The following SYN2 variants were observed in gnomAD, a reference collection of about 807,000 sequenced individuals.
SYN2 encodes synapsin II, also known as synapsin-2.
Under a neutral mutation model 50.9 loss-of-function variants are expected in SYN2, and 19 were observed. That is an observed-to-expected ratio of 0.37 (90% CI 0.26 to 0.55). The LOEUF is 0.55. SYN2 is among the 20% of genes least tolerant of loss of function. The probability of loss-of-function intolerance (pLI) is 0.81; values close to 1 mark genes in which losing one functional copy is unlikely to be tolerated. For synonymous variants in SYN2, 255 were observed against 224.9 expected, an observed-to-expected ratio of 1.13 and a Z score of -1.20; for missense variants, 587 against 576.4, an observed-to-expected ratio of 1.02 and a Z score of -0.19.
intron 9 of SYN2, 105 bp from the exon 10 acceptor site, chr3:12,169,652 T>C (rs532589542): frequency 9.9e-4 from 1,262 of 1,280,962 alleles, no homozygotes; most frequent in Non-Finnish European, 1.2e-3. Flanking sequence ...CTGCTTCATC[T>C]CCAGTCCATC....
intron 1 of SYN2, among the ~76,000 whole-genome samples, chr3:12,136,116 T>C (rs928476581): frequency 5.3e-5 from 8 of 152,172 alleles, no homozygotes; most frequent in Non-Finnish European, 7.3e-5. Flanking sequence ...CCAAATATCA[T>C]GAGCAGACAA....
intron 1 of SYN2, among the ~76,000 whole-genome samples, chr3:12,024,577 T>G (rs1694215279): frequency 6.6e-6 from 1 of 152,234 alleles, no homozygotes; most frequent in African/African-American, 2.4e-5. Context: ...TTGTTTAACA[T>G]AATATTCATG....
At chr3:12,094,171 T>C (rs909795432) in intron 1 of SYN2, among the ~76,000 whole-genome samples, 13 of 152,154 alleles carry the variant, frequency 8.5e-5, no homozygotes, top group African/African-American at 3.1e-4. Flanking sequence ...ATTTAATATT[T>C]AGTTCTCTAC....
At chr3:12,078,707 C>A (rs1236345245) in intron 1 of SYN2, among the ~76,000 whole-genome samples, 1 of 152,096 alleles carries the variant, frequency 6.6e-6, no homozygotes, top group Non-Finnish European at 1.5e-5. Context: ...GTTACTGTAG[C>A]CTTTTAATGT....
At chr3:12,040,920 T>G (rs890266724) in intron 1 of SYN2, among the ~76,000 whole-genome samples, 28 of 152,162 alleles carry the variant, frequency 1.8e-4, no homozygotes, top group Non-Finnish European at 2.1e-4. Flanking sequence ...TTCTATAACC[T>G]TTAACTGAGA....
At chr3:12,163,289 C>T (rs909983058) in intron 7 of SYN2, among the ~76,000 whole-genome samples, 1 of 148,696 alleles carries the variant, frequency 6.7e-6, no homozygotes, top group Non-Finnish European at 1.5e-5. Context: ...GTTTTCTTTA[C>T]AAAGAAAGAA....
intron 1 of SYN2, among the ~76,000 whole-genome samples, chr3:12,083,890 A>G (rs1559413141): frequency 6.6e-6 from 1 of 152,216 alleles, no homozygotes; most frequent in African/African-American, 2.4e-5. Context: ...CTACCAAGTA[A>G]GAAATGACCA....
intron 10 of SYN2, among the ~76,000 whole-genome samples, chr3:12,177,617 A>G (rs190402657): frequency 6.6e-5 from 10 of 152,314 alleles, no homozygotes; most frequent in Admixed American, 5.9e-4. Context: ...TGCTTCCCAC[A>G]GCAGGAATGG....
intron 1 of SYN2, among the ~76,000 whole-genome samples, chr3:12,127,214 G>T (rs1252483274): frequency 6.6e-6 from 1 of 152,172 alleles, no homozygotes; most frequent in Non-Finnish European, 1.5e-5. Context: ...AATGTGAAGT[G>T]TATTTCAATG....
intron 1 of SYN2, among the ~76,000 whole-genome samples, chr3:12,109,919 G>A (rs1019903958): frequency 2.6e-5 from 4 of 152,210 alleles, no homozygotes; most frequent in Non-Finnish European, 5.9e-5. Context: ...ACTGGGCACA[G>A]TGGCTCATGC....
chr3:12,026,466 G>C (rs78766240), intron 1 of SYN2, among the ~76,000 whole-genome samples: 1 of 151,328 alleles, frequency 6.6e-6, no homozygotes, highest in Non-Finnish European at 1.5e-5. Flanking sequence ...AAAATAGAAG[G>C]GGCTATAATT....
chr3:12,047,420 A>G (rs1694763415), intron 1 of SYN2, among the ~76,000 whole-genome samples: 1 of 152,192 alleles, frequency 6.6e-6, no homozygotes, highest in African/African-American at 2.4e-5. Context: ...AAGGGGTACT[A>G]TTTGAAGGAA....
chr3:12,161,572 G>A lies in SYN2; in HGVS notation c.801G>A (p.Val267=). ...TGACACTGCCCACGTTCCCTGTGGT[G>A]GTGAAGATTGGCCACGCTCACTCAG... ...EMLTLPTFPV[V]VKIGHAHSGM... The change falls in exon 6 of 13, where the codon GTG becomes GTA. Residue 267 remains valine (V), a synonymous_variant. Transcript: ENST00000621198. 1 of 1,614,042 alleles carries A rather than the reference G, an allele frequency of 6.2e-7. No homozygotes were observed. The highest frequency in any genetic ancestry group is 8.5e-7 in the Non-Finnish European group (1 of 1,179,906).
At chr3:12,058,916 C>T (rs910737130) in intron 1 of SYN2, among the ~76,000 whole-genome samples, 4 of 152,192 alleles carry the variant, frequency 2.6e-5, no homozygotes, top group Non-Finnish European at 5.9e-5. Context: ...GCACTTGAGT[C>T]CCACATTCCC....
intron 1 of SYN2, among the ~76,000 whole-genome samples, chr3:12,116,839 T>C (rs189926661): frequency 1.3e-3 from 204 of 152,230 alleles, no homozygotes; most frequent in African/African-American, 4.5e-3. Context: ...TAGCCTCACC[T>C]TCCTGGGCTG....
At chr3:12,154,882 AG>A (rs749221819) in intron 5 of SYN2, among the ~76,000 whole-genome samples, 20 of 152,334 alleles carry the variant, frequency 1.3e-4, no homozygotes, top group Non-Finnish European at 2.6e-4. Flanking sequence ...GTGGTCCCAC[AG>A]AAGATATTCA....
intron 10 of SYN2, among the ~76,000 whole-genome samples, chr3:12,171,065 T>C (rs1171099228): frequency 1.3e-5 from 2 of 152,166 alleles, no homozygotes; most frequent in Admixed American, 6.5e-5. Context: ...TCTGGGCTAA[T>C]AAATGTGGAC....
At chr3:12,141,115 C>T (rs1343816368) in intron 2 of SYN2, among the ~76,000 whole-genome samples, 1 of 152,032 alleles carries the variant, frequency 6.6e-6, no homozygotes, top group Non-Finnish European at 1.5e-5. Flanking sequence ...AGTGATGGCT[C>T]CTTTGGGCCT....
At chr3:12,014,694 T>C (rs942656376) in intron 1 of SYN2, among the ~76,000 whole-genome samples, 1 of 152,204 alleles carries the variant, frequency 6.6e-6, no homozygotes, top group African/African-American at 2.4e-5. Flanking sequence ...CCACCCAAGC[T>C]GTGTGTTTCT....
Sources: gnomAD v4.1 joint callset for allele counts (sites outside exome capture counted in the v4.1 genomes callset) on GRCh38, gnomAD v4.1.1 for gene constraint, MANE v1.5 for transcripts, NCBI Gene and HGNC (gene_info 2026-07-23, HGNC 2026-07-21) for gene names.